PEG3: variants seen among roughly 807,000 people sequenced by gnomAD.
PEG3 encodes paternally-expressed gene 3 protein.
Under a neutral mutation model 35.5 loss-of-function variants are expected in PEG3, and 23 were observed. That is an observed-to-expected ratio of 0.65 (90% confidence interval 0.47 to 0.92). PEG3 has a LOEUF of 0.92. Among genes scored for constraint, PEG3 ranks in the 40% least tolerant of loss-of-function variants. PEG3 has a pLI of 0.00. For missense variants in PEG3, 1,960 were observed against 1,985.3 expected (o/e 0.99, Z 0.24); for synonymous variants, 707 against 697.0 (o/e 1.01, Z -0.23).
At chr19:56,833,052 T>C (rs1404975370) in intron 2 of PEG3, 1 of 427,498 alleles carries the variant, frequency 2.3e-6, no homozygotes, top group Admixed American at 2.7e-5. Context: ...AGAGAAATGA[T>C]GGGTCAGTGT....
chr19:56,836,047 A>G lies in PEG3; in HGVS notation c.-192T>C. ...ACCCAGCCACCTAGCGTTTGGACCT[A>G]GTCCCTCTTCCTCTCGCCAGTCGTC... On this transcript the variant is annotated 5_prime_UTR_variant, in exon 2 of 10. Coordinates refer to ENST00000326441, the MANE Select transcript of PEG3 (RefSeq NM_006210.3). The G allele has an allele frequency of 2.0e-6, 1 of 510,728 alleles. No homozygotes were observed. 31.6% of individuals were successfully genotyped at this position (510,728 alleles called of 1,614,324 possible). A position where few individuals can be genotyped will look rare whatever the true frequency, so the allele number is the denominator to read the frequency against.
Position 56,816,697 on chromosome 19 carries a change from T to C in PEG3, c.1745A>G (p.Gln582Arg), listed in dbSNP as rs749557052. 3 of 1,614,190 alleles carry C rather than the reference T, an allele frequency of 1.9e-6. No homozygotes were observed. The highest frequency in any genetic ancestry group is 1.1e-5 in the South Asian group (1 of 91,072). The change falls in exon 10 of 10, where the codon CAG becomes CGG. Residue 582 changes from glutamine to arginine, a missense_variant. Physicochemically the swap from Gln to Arg is conservative, Grantham distance 43 (BLOSUM62 1). Coordinates refer to ENST00000326441, the MANE Select transcript of PEG3 (RefSeq NM_006210.3). ...TTTGTCATCCCCAAAGTGGATTTTC[T>C]GGTGCTCAATCAGGGCAGAACTATG... is the stretch of plus-strand genomic sequence containing the variant. ...FLHSSALIEH[Q>R]KIHFGDDKDN... is the part of the protein sequence containing the mutation.
chr19:56,823,812 T>A, intron 4 of PEG3, 133 bp from the exon 5 acceptor site: 1 of 1,043,920 alleles, frequency 9.6e-7, no homozygotes, highest in Non-Finnish European at 1.4e-6. Context: ...ATTTCTGAGT[T>A]CAAAACCCTT....
At chr19:56,835,730 T>C (rs1326906171) in intron 2 of PEG3, among the ~76,000 whole-genome samples, 1 of 152,198 alleles carries the variant, frequency 6.6e-6, no homozygotes, top group Non-Finnish European at 1.5e-5. Context: ...AATGAGTGGA[T>C]GAATCTCTCA....
In PEG3 at chr19:56,812,865, A is replaced by C; in HGVS notation, c.*810T>G. On this transcript the variant is annotated 3_prime_UTR_variant, in exon 10 of 10. Coordinates refer to ENST00000326441, the MANE Select transcript of PEG3 (RefSeq NM_006210.3). ...CACAAATGTGTAATATTTTTGCATG[A>C]GAACCACTTCAACAAACATAACATG... The C allele has an allele frequency of 1.0e-6, 1 of 985,390 alleles. No individual in the cohort carries two copies. The highest frequency in any genetic ancestry group is 1.2e-6 in the Non-Finnish European group (1 of 829,808). The allele number at this position is 985,390 out of a possible 1,614,324, so 61.0% of individuals were successfully genotyped here.
chr19:56,837,624 G>A (rs1490429840), intron 1 of PEG3, among the ~76,000 whole-genome samples: 1 of 152,212 alleles, frequency 6.6e-6, no homozygotes, highest in Non-Finnish European at 1.5e-5. Flanking sequence ...CCAAGATAGC[G>A]GGGGTAGGGC....
Position 56,811,649 on chromosome 19 carries a change from G to A in PEG3, c.*2026C>T, listed in dbSNP as rs1442068394. ...GTAATGTACCCACAAAGTTCACCCC[G>A]ACATCAACACTGATTCTCGTTTCAA... is the stretch of plus-strand genomic sequence containing the variant. On this transcript the variant is annotated 3_prime_UTR_variant, in exon 10 of 10. Coordinates refer to ENST00000326441, the MANE Select transcript of PEG3 (RefSeq NM_006210.3). The A allele has an allele frequency of 1.0e-6, 1 of 985,174 alleles. No homozygotes were observed. The highest frequency in any genetic ancestry group is 1.2e-6 in the Non-Finnish European group (1 of 829,886). The allele number at this position is 985,174 out of a possible 1,614,324, so 61.0% of individuals were successfully genotyped here. A position where few individuals can be genotyped will look rare whatever the true frequency, so the allele number is the denominator to read the frequency against.
In PEG3 at chr19:56,815,987, G is replaced by T. The variant is rs143073381; in HGVS notation, c.2455C>A (p.Arg819Ser). ...CCTTCAGAGGTGTTCCCTCCAGCACGAACTCTCTGATGGTTGATAGCATCG... is the reference window on the plus strand; with the variant it reads ...CCTTCAGAGGTGTTCCCTCCAGCACTAACTCTCTGATGGTTGATAGCATCG... ...SFDAINHQRV[R>S]AGGNTSEGRE... Residue 819 changes from arginine to serine, a missense_variant, in exon 10 of 10, where the codon CGT becomes AGT. By Grantham distance (110) the Arg-to-Ser change is moderately radical. Transcript: ENST00000326441. 22 of 1,584,014 alleles carry T rather than the reference G, an allele frequency of 1.4e-5. No individual in the cohort carries two copies. Among genetic ancestry groups the T allele is most frequent in the East Asian group, 2.2e-5 (1 of 44,676 alleles).
chr19:56,828,400 T>TC (rs1293590490), intron 2 of PEG3, among the ~76,000 whole-genome samples: 1 of 152,200 alleles, frequency 6.6e-6, no homozygotes, highest in Non-Finnish European at 1.5e-5. Context: ...ATCTTGGCAA[T>TC]TCCACTTCTG....
rs1199223581 is a variant in PEG3, at chr19:56,812,603, A to G, written c.*1072T>C. The G allele has an allele frequency of 3.0e-6, 3 of 985,666 alleles. No individual in the cohort carries two copies. Among genetic ancestry groups the G allele is most frequent in the Non-Finnish European group, 3.6e-6 (3 of 829,900 alleles). 61.1% of individuals were successfully genotyped at this position (985,666 alleles called of 1,614,324 possible). Reference sequence around the variant, plus strand: ...CAAGCCATGTTGCTACTTGTCACTTAAGGCAGGAAGCGCACAAAGGAAGTG... The same window carrying G: ...CAAGCCATGTTGCTACTTGTCACTTGAGGCAGGAAGCGCACAAAGGAAGTG... On this transcript the variant is annotated 3_prime_UTR_variant, in exon 10 of 10. Coordinates refer to ENST00000326441, the MANE Select transcript of PEG3 (RefSeq NM_006210.3).
Position 56,817,771 on chromosome 19 carries a change from T to C in PEG3, c.837A>G (p.Arg279=). 5.6e-6 allele frequency: 9 copies of C among 1,614,134 alleles called. No individual in the cohort carries two copies. The highest frequency in any genetic ancestry group is 7.6e-6 in the Non-Finnish European group (9 of 1,180,010). ...MTQGHSSRSK[R]SAYPSTSRGL... is the part of the protein sequence containing the mutation. ...CTCGACTGGTGCTTGGGTAGGCACT[T>C]CTCTTGGATCTTGATGAGTGGCCCT... The change falls in exon 9 of 10, where the codon AGA becomes AGG. Residue 279 remains arginine, a synonymous_variant. Coordinates refer to ENST00000326441, the MANE Select transcript of PEG3 (RefSeq NM_006210.3).
intron 7 of PEG3, 81 bp from the exon 8 acceptor site, chr19:56,818,783 G>A (rs2060212583): frequency 6.7e-7 from 1 of 1,489,586 alleles, no homozygotes; most frequent in East Asian, 2.3e-5. Context: ...CAACATGGGA[G>A]TTACATATAT....
chr19:56,837,319 C>A (rs1347379188), intron 1 of PEG3, among the ~76,000 whole-genome samples: 1 of 152,160 alleles, frequency 6.6e-6, no homozygotes, highest in Non-Finnish European at 1.5e-5. Context: ...TCAGGACCAC[C>A]CGCAGCCCTG....
chr19:56,824,357 T>C lies in PEG3; in HGVS notation c.299A>G (p.Glu100Gly). The change falls in exon 4 of 10, where the codon GAA (glutamate) becomes GGA (glycine). Residue 100 changes from glutamate (E) to glycine (G), a missense_variant. This residue lies in a region of PEG3 where 613 missense variants were observed against 577.1 expected (regional missense o/e 1.06). Coordinates refer to ENST00000326441, the MANE Select transcript of PEG3 (RefSeq NM_006210.3). ...VLEQYLTIIP[E>G]KLKPWVRAKK... ...TGCTCGCACCCAAGGCTTGAGCTTTTCAGGGATGATGGTCAGGTACTGCTC... is the reference window on the plus strand; with the variant it reads ...TGCTCGCACCCAAGGCTTGAGCTTTCCAGGGATGATGGTCAGGTACTGCTC... 6.2e-7 allele frequency: 1 copy of C among 1,614,138 alleles called. No homozygotes were observed. The highest frequency in any genetic ancestry group is 1.1e-5 in the South Asian group (1 of 91,080).
chr19:56,817,479 A>G lies in PEG3; in HGVS notation c.963T>C (p.Asp321=). The change falls in exon 10 of 10, where the codon GAT becomes GAC. Residue 321 remains aspartate, a synonymous_variant. Coordinates refer to ENST00000326441, the MANE Select transcript of PEG3 (RefSeq NM_006210.3). Reference sequence around the variant, plus strand: ...TTCCCGATTTGGAACTGCGTGACACATCCTTGATGAATTTTTCCATTATCA... The same window carrying G: ...TTCCCGATTTGGAACTGCGTGACACGTCCTTGATGAATTTTTCCATTATCA... The part of the protein sequence containing the change: ...HGVIMEKFIK[D]VSRSSKSGRA... The G allele has an allele frequency of 6.2e-7, 1 of 1,613,090 alleles. No homozygotes were observed. The highest frequency in any genetic ancestry group is 8.5e-7 in the Non-Finnish European group (1 of 1,179,258).
At chr19:56,839,676 AC>A (rs2062737580) in intron 1 of PEG3, among the ~76,000 whole-genome samples, 2 of 152,018 alleles carry the variant, frequency 1.3e-5, no homozygotes, top group Non-Finnish European at 2.9e-5. Flanking sequence ...AAAAGATGGC[AC>A]CCAATGGGTG....
In PEG3 at chr19:56,836,322, G is replaced by A. The variant is rs140898913; in HGVS notation, c.-249-218C>T. On this transcript the variant is annotated intron_variant, in intron 1 of 9. Transcript: ENST00000326441. The stretch of plus-strand genomic sequence containing the variant: ...TGTACTCATAGACTTTCTCCAACAA[G>A]GTTACATCAAAGGCATTCAAGTCAA... 3.0e-4 allele frequency among the ~76,000 whole-genome samples: 46 copies of A among 152,214 alleles called. No homozygotes were observed. The South Asian group carries it at 4.1e-3, about 14-fold the overall frequency.
In PEG3 at chr19:56,836,089, G is replaced by A. The variant is rs1287030259; in HGVS notation, c.-234C>T. The stretch of plus-strand genomic sequence containing the variant: ...CCAGTCGTCTCCAAGAAGGACGGAA[G>A]ATCAAGAAGGCAAAGCTGTAGAGGA... On this transcript the variant is annotated 5_prime_UTR_variant, in exon 2 of 10. Coordinates refer to ENST00000326441, the MANE Select transcript of PEG3 (RefSeq NM_006210.3). 2.0e-6 allele frequency: 1 copy of A among 492,554 alleles called. No homozygotes were observed. 30.5% of individuals were successfully genotyped at this position (492,554 alleles called of 1,614,324 possible).
intron 2 of PEG3, among the ~76,000 whole-genome samples, chr19:56,835,003 C>T (rs1469667301): frequency 1.3e-5 from 2 of 152,180 alleles, no homozygotes; most frequent in African/African-American, 4.8e-5. Flanking sequence ...ATGTGACTCA[C>T]TGTGCCTCCT....
Sources: gnomAD v4.1 joint callset for allele counts (sites outside exome capture counted in the v4.1 genomes callset) on GRCh38, gnomAD v4.1.1 for gene constraint, gnomAD v4.1.1 regional missense constraint, MANE v1.5 for transcripts, NCBI Gene and HGNC (gene_info 2026-07-23, HGNC 2026-07-21) for gene names.